DHRS7B: variants seen among roughly 807,000 people sequenced by gnomAD.
DHRS7B encodes peroxisomal reductase activating PPAR-gamma.
Under a neutral mutation model 26.4 loss-of-function variants are expected in DHRS7B, and 24 were observed. The observed-to-expected ratio is 0.91, with a 90% CI of 0.66 to 1.28. The LOEUF is 1.28. DHRS7B is among the 50% of genes most tolerant of loss of function. DHRS7B has a pLI of 0.00. For missense variants in DHRS7B, 368 were observed against 419.4 expected (o/e 0.88, Z 1.07); for synonymous variants, 142 against 166.4 (o/e 0.85, Z 1.13).
At chr17:21,160,919 G>A (rs1323725561) in intron 1 of DHRS7B, among the ~76,000 whole-genome samples, 3 of 152,138 alleles carry the variant, frequency 2.0e-5, no homozygotes, top group Non-Finnish European at 4.4e-5. Context: ...AGACATGGAG[G>A]AAACTGAAAT....
intron 1 of DHRS7B, among the ~76,000 whole-genome samples, chr17:21,146,225 A>G (rs1331218727): frequency 2.0e-5 from 3 of 152,190 alleles, no homozygotes; most frequent in Admixed American, 6.5e-5. Context: ...CCTGGGCAAC[A>G]TGGCAAAACC....
intron 1 of DHRS7B, among the ~76,000 whole-genome samples, chr17:21,147,800 G>A (rs545452097): frequency 6.6e-6 from 1 of 152,282 alleles, no homozygotes; most frequent in South Asian, 2.1e-4. Flanking sequence ...GCCATCCCCA[G>A]CCCTGGAAAC....
chr17:21,186,704 C>T (rs745993787), intron 5 of DHRS7B, among the ~76,000 whole-genome samples: 2 of 152,180 alleles, frequency 1.3e-5, no homozygotes, highest in Non-Finnish European at 2.9e-5. Context: ...ACTGTGGAGA[C>T]GCTGGTGTGT....
chr17:21,158,039 A>G (rs770020644), intron 1 of DHRS7B, among the ~76,000 whole-genome samples: 3 of 152,214 alleles, frequency 2.0e-5, no homozygotes, highest in South Asian at 2.1e-4. Flanking sequence ...AGTATTTGAC[A>G]ATATCTATCT....
intron 1 of DHRS7B, among the ~76,000 whole-genome samples, chr17:21,141,958 G>A (rs1204517543): frequency 6.6e-6 from 1 of 152,170 alleles, no homozygotes; most frequent in African/African-American, 2.4e-5. Context: ...ACCAAAATGT[G>A]AACCCAGAAA....
intron 1 of DHRS7B, among the ~76,000 whole-genome samples, chr17:21,164,313 T>C (rs1038397504): frequency 1.4e-4 from 21 of 152,268 alleles, no homozygotes; most frequent in African/African-American, 5.1e-4. Context: ...ATTACAGGCA[T>C]GAGCCACTGG....
At chr17:21,150,105 T>TAAAAAAAAAAAAAAAAA (rs61516968) in intron 1 of DHRS7B, among the ~76,000 whole-genome samples, 1 of 50,074 alleles carries the variant, frequency 2.0e-5, no homozygotes, top group African/African-American at 7.5e-5. Context: ...CATCTCTATT[T>TAAAAAAAAAAAAAAAAA]AAAAAAAAAA....
At chr17:21,179,542 G>A (rs1567628730) in intron 3 of DHRS7B, among the ~76,000 whole-genome samples, 1 of 152,136 alleles carries the variant, frequency 6.6e-6, no homozygotes, top group Admixed American at 6.5e-5. Context: ...GGAGGTTACA[G>A]TGAACCAAGA....
chr17:21,154,462 T>C (rs573998473), intron 1 of DHRS7B, among the ~76,000 whole-genome samples: 7 of 152,204 alleles, frequency 4.6e-5, no homozygotes, highest in African/African-American at 1.4e-4. Context: ...AAAGGAGAAA[T>C]AGAGACTTTC....
chr17:21,129,329 A>G (rs1490605164), intron 1 of DHRS7B, among the ~76,000 whole-genome samples: 1 of 152,040 alleles, frequency 6.6e-6, no homozygotes, highest in Admixed American at 6.6e-5. Flanking sequence ...AGTTGGAGTT[A>G]AATTGGACAA....
intron 1 of DHRS7B, among the ~76,000 whole-genome samples, chr17:21,131,389 G>A (rs1973226731): frequency 6.6e-6 from 1 of 152,220 alleles, no homozygotes; most frequent in Admixed American, 6.5e-5. Context: ...TCTTGACATT[G>A]CCATGGCATT....
chr17:21,165,789 G>A (rs770364763), intron 1 of DHRS7B, among the ~76,000 whole-genome samples: 11 of 151,922 alleles, frequency 7.2e-5, no homozygotes, highest in East Asian at 1.9e-4. Flanking sequence ...GGTGGCGTGC[G>A]CCTGTAGTCG....
At chr17:21,168,987 A>G (rs1285545847) in intron 1 of DHRS7B, 1 of 875,940 alleles carries the variant, frequency 1.1e-6, no homozygotes, top group African/African-American at 1.8e-5. Context: ...AACTTTAATC[A>G]TCTTCCACTG....
rs998894043 is a variant in DHRS7B, at chr17:21,191,193, C to T, written c.*40C>T. The T allele has an allele frequency of 6.3e-7, 1 of 1,589,528 alleles. No individual in the cohort carries two copies. Among genetic ancestry groups the T allele is most frequent in the Non-Finnish European group, 8.6e-7 (1 of 1,160,072 alleles). ...AGGGCCAGGGCAGAGAAGCAGCACT[C>T]TTAGGCTTGCTTACTCTACAAGGGA... On this transcript the variant is annotated 3_prime_UTR_variant, in exon 7 of 7. Coordinates refer to ENST00000395511, the MANE Select transcript of DHRS7B (RefSeq NM_015510.5).
intron 5 of DHRS7B, among the ~76,000 whole-genome samples, chr17:21,188,357 G>T (rs1466743994): frequency 2.0e-5 from 3 of 151,974 alleles, no homozygotes; most frequent in Non-Finnish European, 4.4e-5. Flanking sequence ...TGAACCATTT[G>T]AAAGGAAACT....
rs371725029 is a variant in DHRS7B at position 21,165,714 on chromosome 17, G to A, written c.21-6304G>A. ...GGGCAGATCACAAGGTCAGGAGTTC[G>A]AGACCAGCCTGGCCAGTATGGTGAA... On this transcript the variant is annotated intron_variant, in intron 1 of 6. Transcript: ENST00000395511. Among the ~76,000 whole-genome samples the A allele has an allele frequency of 6.6e-5, 10 of 152,100 alleles. No homozygotes were observed. In the South Asian group the frequency reaches 1.0e-3, roughly 16 times the overall value.
At chr17:21,152,961 A>G (rs1215596259) in intron 1 of DHRS7B, among the ~76,000 whole-genome samples, 4 of 152,162 alleles carry the variant, frequency 2.6e-5, no homozygotes, top group Non-Finnish European at 5.9e-5. Flanking sequence ...CCTGTTTGCC[A>G]CAGTTCTTTT....
Position 21,129,579 on chromosome 17 carries a change from C to T in DHRS7B, c.20+2588C>T, listed in dbSNP as rs116724351. On this transcript the variant is annotated intron_variant, in intron 1 of 6. Coordinates refer to ENST00000395511, the MANE Select transcript of DHRS7B (RefSeq NM_015510.5). ...AATTATCTAGGCGTGCTGGTGTGTA[C>T]CTGTTGTCCCAGTTACTCAGAAGGC... Among the ~76,000 whole-genome samples, 1,449 of 151,596 alleles carry T rather than the reference C, an allele frequency of 9.6e-3. 32 individuals are homozygous for T. Among genetic ancestry groups the T allele is most frequent in the African/African-American group, 0.033 (1,368 of 41,322 alleles).
In DHRS7B at chr17:21,140,535, C is replaced by G. The variant is rs924864906; in HGVS notation, c.20+13544C>G. On this transcript the variant is annotated intron_variant, in intron 1 of 6. Transcript: ENST00000395511. ...ACACACACACACACACACACACACACACACCCTGACACCCTATAGCTTTTA... is the reference window on the plus strand; with the variant it reads ...ACACACACACACACACACACACACAGACACCCTGACACCCTATAGCTTTTA... Among the ~76,000 whole-genome samples the G allele has an allele frequency of 2.0e-5, 3 of 149,652 alleles. No homozygotes were observed. In the East Asian group the frequency reaches 6.0e-4, roughly 30 times the overall value.
Sources: gnomAD v4.1 joint callset for allele counts (sites outside exome capture counted in the v4.1 genomes callset) on GRCh38, gnomAD v4.1.1 for gene constraint, MANE v1.5 for transcripts, NCBI Gene and HGNC (gene_info 2026-07-23, HGNC 2026-07-21) for gene names.